Variants in AGBL1 observed in about 807,000 individuals in gnomAD.
AGBL1 encodes AGBL carboxypeptidase 1.
A neutral mutation model predicts 118.9 loss-of-function variants in AGBL1; 130 were observed. The ratio of observed to expected loss-of-function variants is 1.09; its 90% confidence interval spans 0.95 to 1.26. The LOEUF (loss-of-function observed/expected upper bound fraction) is 1.26, where lower values mean the gene tolerates loss of function less well. Among genes scored for constraint, AGBL1 ranks in the 50% most tolerant of loss-of-function variants. AGBL1 has a pLI of 0.00. For synonymous variants in AGBL1, 555 were observed against 478.9 expected, an observed-to-expected ratio of 1.16 and a Z score of -2.08; for missense variants, 1,584 against 1,298.1, an observed-to-expected ratio of 1.22 and a Z score of -3.38.
At chr15:86,666,619 A>C (rs1042808016) in intron 21 of AGBL1, among the ~76,000 whole-genome samples, 3 of 152,208 alleles carry the variant, frequency 2.0e-5, no homozygotes, top group Admixed American at 6.5e-5. Flanking sequence ...GGACTGTGTT[A>C]GTGTCAAGTA....
intron 17 of AGBL1, among the ~76,000 whole-genome samples, chr15:86,369,443 A>G (rs2080938831): frequency 6.6e-6 from 1 of 152,186 alleles, no homozygotes; most frequent in Non-Finnish European, 1.5e-5. Context: ...GATTGACACT[A>G]ATAGATAAAG....
At chr15:86,523,802 C>G (rs1034650811) in intron 19 of AGBL1, among the ~76,000 whole-genome samples, 1 of 152,126 alleles carries the variant, frequency 6.6e-6, no homozygotes, top group Non-Finnish European at 1.5e-5. Flanking sequence ...TGAAAAAACA[C>G]TATTTGAAAC....
intron 21 of AGBL1, among the ~76,000 whole-genome samples, chr15:86,599,606 T>C (rs1269871226): frequency 6.6e-6 from 1 of 152,170 alleles, no homozygotes; most frequent in Non-Finnish European, 1.5e-5. Context: ...AATTGGTGTT[T>C]CTTTGGGTAA....
chr15:86,412,516 G>A (rs891645619), intron 18 of AGBL1, among the ~76,000 whole-genome samples: 1 of 152,140 alleles, frequency 6.6e-6, no homozygotes, highest in Non-Finnish European at 1.5e-5. Flanking sequence ...AATTGTCAGT[G>A]TTTGGTTTCC....
chr15:86,965,456 T>C (rs1368334126), intron 23 of AGBL1, among the ~76,000 whole-genome samples: 1 of 152,136 alleles, frequency 6.6e-6, no homozygotes, highest in African/African-American at 2.4e-5. Context: ...TCTGTTCATA[T>C]CCTTTGCCCA....
At chr15:86,935,805 AT>A (rs2080665945) in intron 23 of AGBL1, among the ~76,000 whole-genome samples, 1 of 152,246 alleles carries the variant, frequency 6.6e-6, no homozygotes, top group African/African-American at 2.4e-5. Context: ...TGACAATTGT[AT>A]GTGGGTTTTA....
intron 5 of AGBL1, among the ~76,000 whole-genome samples, chr15:86,204,131 C>A (rs1026362929): frequency 2.6e-5 from 4 of 152,042 alleles, no homozygotes; most frequent in African/African-American, 9.7e-5. Flanking sequence ...GCTCTGGAAG[C>A]CTCACTAGGA....
intron 22 of AGBL1, among the ~76,000 whole-genome samples, chr15:86,824,222 A>G (rs2078977476): frequency 6.6e-6 from 1 of 152,160 alleles, no homozygotes; most frequent in Non-Finnish European, 1.5e-5. Flanking sequence ...CTTGAGAACT[A>G]AGAAATGAGG....
rs1404316334 is a variant in AGBL1 at position 86,221,238 on chromosome 15, T to C, written c.489-3676T>C. On this transcript the variant is annotated intron_variant, in intron 5 of 22. Coordinates refer to ENST00000614907, the MANE Select transcript of AGBL1 (RefSeq NM_001386094.1). ...TAAAAAATGAAAAGAAGTCCTATTC[T>C]ATAAAATCAGTGCAGCTACCAGAAC... Among the ~76,000 whole-genome samples, 14 of 152,088 alleles carry C rather than the reference T, an allele frequency of 9.2e-5. No homozygotes were observed. The East Asian group carries it at 2.5e-3, about 27-fold the overall frequency.
At chr15:86,829,878 G>A (rs1252191495) in intron 22 of AGBL1, among the ~76,000 whole-genome samples, 1 of 152,056 alleles carries the variant, frequency 6.6e-6, no homozygotes, top group East Asian at 1.9e-4. Flanking sequence ...GTTCATTGCA[G>A]AATCTTTAGC....
chr15:86,401,171 T>A (rs1567237664), intron 18 of AGBL1, among the ~76,000 whole-genome samples: 2 of 152,238 alleles, frequency 1.3e-5, no homozygotes, highest in East Asian at 1.9e-4. Flanking sequence ...TAAGGTGGTA[T>A]CTCATTGTGG....
At chr15:86,861,011 T>C (rs2079552508) in intron 22 of AGBL1, among the ~76,000 whole-genome samples, 2 of 152,084 alleles carry the variant, frequency 1.3e-5, no homozygotes, top group South Asian at 2.1e-4. Context: ...ATCAATGCAG[T>C]TCCAAGTGAT....
chr15:86,414,956 T>G (rs1308894563), intron 18 of AGBL1, among the ~76,000 whole-genome samples: 1 of 152,196 alleles, frequency 6.6e-6, no homozygotes, highest in African/African-American at 2.4e-5. Context: ...GTCTCCAAGA[T>G]GGAGACTTGC....
chr15:86,106,144 G>T (rs569815226), intron 1 of AGBL1, among the ~76,000 whole-genome samples: 119 of 152,328 alleles, frequency 7.8e-4, no homozygotes, highest in Non-Finnish European at 1.5e-3. Context: ...ATATAACCTA[G>T]TATGCTGTTG....
intron 22 of AGBL1, among the ~76,000 whole-genome samples, chr15:86,772,799 G>A (rs2078200378): frequency 6.6e-6 from 1 of 152,062 alleles, no homozygotes; most frequent in African/African-American, 2.4e-5. Context: ...ACAATAAGCT[G>A]AGAACAGAGA....
intron 22 of AGBL1, among the ~76,000 whole-genome samples, chr15:86,868,164 C>T (rs199964829): frequency 2.0e-5 from 3 of 151,712 alleles, no homozygotes; most frequent in South Asian, 4.2e-4. Flanking sequence ...ACACATGAAA[C>T]GTACATGAAA....
intron 1 of AGBL1, among the ~76,000 whole-genome samples, chr15:86,114,484 A>G (rs973146987): frequency 6.6e-5 from 10 of 152,234 alleles, no homozygotes; most frequent in Non-Finnish European, 2.9e-5. Context: ...GAAAAACAAT[A>G]GGAACTTAGC....
intron 1 of AGBL1, among the ~76,000 whole-genome samples, chr15:86,107,175 G>A (rs1897101751): frequency 6.6e-6 from 1 of 152,318 alleles, no homozygotes; most frequent in African/African-American, 2.4e-5. Flanking sequence ...TGGTTTACAA[G>A]TTCATGGGCG....
At chr15:86,221,250 G>A (rs567159457) in intron 5 of AGBL1, among the ~76,000 whole-genome samples, 2 of 152,096 alleles carry the variant, frequency 1.3e-5, no homozygotes, top group East Asian at 1.9e-4. Context: ...TAAAATCAGT[G>A]CAGCTACCAG....
Sources: gnomAD v4.1 joint callset for allele counts (sites outside exome capture counted in the v4.1 genomes callset) on GRCh38, gnomAD v4.1.1 for gene constraint, MANE v1.5 for transcripts, NCBI Gene and HGNC (gene_info 2026-07-23, HGNC 2026-07-21) for gene names.